INF2: variants seen among roughly 807,000 people sequenced by gnomAD.
The protein encoded by INF2 is inverted formin 2, also known as inverted formin-2.
INF2 carries 43 observed loss-of-function variants against 123.5 expected under a neutral mutation model. That is an observed-to-expected ratio of 0.35 (90% confidence interval 0.27 to 0.45). The LOEUF (loss-of-function observed/expected upper bound fraction) is 0.45, where lower values mean the gene tolerates loss of function less well. INF2 is among the 20% of genes least tolerant of loss of function. INF2 has a pLI of 1.00. For synonymous variants in INF2, 851 were observed against 745.0 expected (o/e 1.14, Z -2.32); for missense variants, 1,453 against 1,682.7 (o/e 0.86, Z 2.39).
At chr14:104,703,864 G>A in intron 4 of INF2, 52 bp from the exon 5 acceptor site, 2 of 1,609,398 alleles carry the variant, frequency 1.2e-6, no homozygotes, top group South Asian at 1.1e-5. Flanking sequence ...AGTGAAATGG[G>A]GAAGGCGGGG....
Position 104,707,493 on chromosome 14 carries a change from C to T in INF2, c.1226C>T (p.Ser409Leu), listed in dbSNP as rs1486781241. 3.2e-6 allele frequency: 5 copies of T among 1,549,246 alleles called. No individual in the cohort carries two copies. Among genetic ancestry groups the T allele is most frequent in the Non-Finnish European group, 4.4e-6 (5 of 1,146,948 alleles). ...HAQSESILKVSQPRALEQQAS... is the reference protein window; with the variant it reads ...HAQSESILKVLQPRALEQQAS... ...CAGAGTGAGAGCATCCTGAAAGTTT[C>T]GCAGCCCAGAGCCCTGGAGCAGCAG... is the stretch of plus-strand genomic sequence containing the variant. Residue 409 changes from serine (S) to leucine (L), a missense_variant, in exon 8 of 23, where the codon TCG (serine) becomes TTG (leucine). Coordinates refer to ENST00000392634, the MANE Select transcript of INF2 (RefSeq NM_022489.4).
chr14:104,681,198 G>A, exon 1 of INF2: 1 of 325,996 alleles, frequency 3.1e-6, no homozygotes, highest in Non-Finnish European at 6.1e-6. Flanking sequence ...AAATGGGGCG[G>A]GCGAGGAGTA....
intron 10 of INF2, 26 bp downstream of exon 10, chr14:104,708,758 C>A (rs776589092): frequency 8.1e-6 from 13 of 1,610,924 alleles, no homozygotes; most frequent in African/African-American, 2.7e-5. Flanking sequence ...AGCCCCCATC[C>A]CAGGCCACGG....
chr14:104,703,221 G>T lies in INF2; in HGVS notation c.507+1G>T. The T allele has an allele frequency of 6.2e-7, 1 of 1,613,242 alleles. No individual in the cohort carries two copies. Among genetic ancestry groups the T allele is most frequent in the Non-Finnish European group, 8.5e-7 (1 of 1,179,876 alleles). On this transcript the variant is annotated splice_donor_variant, in intron 3 of 22. Coordinates refer to ENST00000392634, the MANE Select transcript of INF2 (RefSeq NM_022489.4). LOFTEE classifies it high-confidence loss of function. Reference sequence around the variant, plus strand: ...CCTGGACGCCCTGGACCACTACAAGGTGGGCGGCAGGGCCTGGGCCTGGGC... The same window carrying T: ...CCTGGACGCCCTGGACCACTACAAGTTGGGCGGCAGGGCCTGGGCCTGGGC...
chr14:104,700,999 C>T, intron 1 of INF2: 1 of 401,882 alleles, frequency 2.5e-6, no homozygotes, highest in Non-Finnish European at 3.4e-6. Context: ...CCTCCCGCTC[C>T]CCCGAGTCCT....
Position 104,699,346 on chromosome 14 carries a change from T to C in INF2, c.-9-2011T>C. On this transcript the variant is annotated intron_variant, in intron 1 of 22. Coordinates refer to ENST00000392634, the MANE Select transcript of INF2 (RefSeq NM_022489.4). This position sits in a 1 kb window ranked among gnomAD's most constrained non-coding sequence, Gnocchi z 4.7. ...GGAAAGGAGGGTCAGTTCTGGGGCC[T>C]CTTTAGGCAGCAACAGCCAAGGCGG... is the stretch of plus-strand genomic sequence containing the variant. 2.1e-6 allele frequency: 2 copies of C among 970,828 alleles called. No individual in the cohort carries two copies. Among genetic ancestry groups the C allele is most frequent in the Non-Finnish European group, 2.4e-6 (2 of 816,882 alleles). 60.1% of individuals were successfully genotyped at this position (970,828 alleles called of 1,614,324 possible). A position where few individuals can be genotyped will look rare whatever the true frequency, so the allele number is the denominator to read the frequency against.
intron 15 of INF2, among the ~76,000 whole-genome samples, 169 bp downstream of exon 15, chr14:104,711,355 T>A (rs1288843930): frequency 2.0e-5 from 3 of 151,798 alleles, no homozygotes; most frequent in Admixed American, 1.3e-4. Context: ...CCCCCACCCC[T>A]CCCAGCACCC....
upstream of INF2, chr14:104,685,021 T>A (rs1888622386): frequency 6.6e-6 from 1 of 152,246 alleles, no homozygotes; most frequent in Non-Finnish European, 1.5e-5. Context: ...GATCTTATTT[T>A]ATCTCATTTT....
intron 6 of INF2, 79 bp downstream of exon 6, chr14:104,706,255 C>T (rs775500330): frequency 2.0e-5 from 29 of 1,418,630 alleles, no homozygotes; most frequent in East Asian, 2.5e-5. Flanking sequence ...GGGCCTGGAA[C>T]GGTCCTCCCT....
chr14:104,709,591 G>T (rs1255006473), intron 11 of INF2, 29 bp from the exon 12 acceptor site: 5 of 1,583,638 alleles, frequency 3.2e-6, no homozygotes, highest in Non-Finnish European at 1.7e-6. Context: ...GGCATGGGGG[G>T]ATCCCACATG....
Position 104,714,752 on chromosome 14 carries a change from C to A in INF2, c.3590C>A (p.Ala1197Glu). ...TSLDKSFSEDAVTDSSGSGTL... is the reference protein window; with the variant it reads ...TSLDKSFSEDEVTDSSGSGTL... ...CTGGACAAGTCCTTCTCCGAGGATG[C>A]GGTGACCGACTCCTCGGGGTCGGGC... Residue 1197 changes from alanine to glutamate, a missense_variant, in exon 21 of 23, where the codon GCG becomes GAG. This residue lies in a region of INF2 where 344 missense variants were observed against 333.1 expected (regional missense o/e 1.03). Transcript: ENST00000392634. 6.3e-7 allele frequency: 1 copy of A among 1,599,686 alleles called. No individual in the cohort carries two copies. Among genetic ancestry groups the A allele is most frequent in the South Asian group, 1.1e-5 (1 of 89,224 alleles).
At chr14:104,687,084 G>T (rs996424503), upstream of INF2, among the ~76,000 whole-genome samples, 1 of 152,192 alleles carries the variant, frequency 6.6e-6, no homozygotes. This position sits in a 1 kb window ranked among gnomAD's most constrained non-coding sequence, Gnocchi z 5.6. Flanking sequence ...TTGTGTACCC[G>T]GCTCCGAGGA....
chr14:104,694,009 G>A (rs768858184), intron 1 of INF2, among the ~76,000 whole-genome samples: 12 of 152,214 alleles, frequency 7.9e-5, no homozygotes, highest in Admixed American at 2.0e-4. Context: ...GCCTGAGAAC[G>A]GGAGCCCCTT....
Position 104,708,869 on chromosome 14 carries a change from G to A in INF2, c.1949+137G>A, listed in dbSNP as rs541529203. Reference sequence around the variant, plus strand: ...GCATCCCCTAGGCAGGATTGTAGGCGGGTAATAGCCCCATGCTGCCCCAGC... The same window carrying A: ...GCATCCCCTAGGCAGGATTGTAGGCAGGTAATAGCCCCATGCTGCCCCAGC... On this transcript the variant is annotated intron_variant, in intron 10 of 22. Transcript: ENST00000392634. 2.4e-5 allele frequency: 23 copies of A among 974,482 alleles called. No individual in the cohort carries two copies. The African/African-American group carries it at 2.7e-4, about 12-fold the overall frequency. The allele number at this position is 974,482 out of a possible 1,614,324, so 60.4% of individuals were successfully genotyped here.
chr14:104,711,770 T>G (rs1243888902), intron 16 of INF2, 71 bp downstream of exon 16: 1 of 1,438,998 alleles, frequency 6.9e-7, no homozygotes, highest in Non-Finnish European at 9.7e-7. Flanking sequence ...GGCAGTGAGG[T>G]GGCTGCCCGC....
rs1442369052 is a variant in INF2, at chr14:104,714,326, C to T, written c.3164C>T (p.Pro1055Leu). ...TGGGACCTTGTAGACGCCGTGACCC[C>T]CGGCCCTCAGCCCACCCTGGAGCAG... Reference protein sequence around the residue: ...RGWDLVDAVTPGPQPTLEQLE... With the variant: ...RGWDLVDAVTLGPQPTLEQLE... Residue 1055 changes from proline (P) to leucine (L), a missense_variant, in exon 21 of 23, where the codon CCC becomes CTC. Transcript: ENST00000392634. 1 of 1,590,668 alleles carries T rather than the reference C, an allele frequency of 6.3e-7. No homozygotes were observed. Among genetic ancestry groups the T allele is most frequent in the Non-Finnish European group, 8.6e-7 (1 of 1,169,564 alleles).
At position 104,699,880 on chromosome 14, in the gene INF2, A is replaced by G. The variant is rs904920431; in HGVS notation, c.-9-1477A>G. ...CATGCAGATCAGAACCCTGGCTTAC[A>G]CCTGTCAGGCTGCCTCCTGGAAGGA... is the stretch of plus-strand genomic sequence containing the variant. On this transcript the variant is annotated intron_variant, in intron 1 of 22. Coordinates refer to ENST00000392634, the MANE Select transcript of INF2 (RefSeq NM_022489.4). The surrounding 1 kb of genome is among the most constrained non-coding windows in gnomAD (Gnocchi z 4.7). 2.0e-5 allele frequency among the ~76,000 whole-genome samples: 3 copies of G among 152,082 alleles called. No individual in the cohort carries two copies. The highest frequency in any genetic ancestry group is 2.9e-5 in the Non-Finnish European group (2 of 67,980).
At chr14:104,715,183 T>C (rs1890238581) in intron 21 of INF2, 101 bp from the exon 22 acceptor site, 2 of 1,145,118 alleles carry the variant, frequency 1.7e-6, no homozygotes, top group Non-Finnish European at 2.6e-6. Context: ...CCTCAGAGGG[T>C]GTTGGCATGG....
chr14:104,704,702 T>TGG (rs200915230), intron 5 of INF2: 2,014 of 152,884 alleles, frequency 0.013, 31 homozygotes, highest in South Asian at 0.046. Flanking sequence ...CCAAAAAGGC[T>TGG]GGGGACCACT....
Sources: allele counts gnomAD v4.1 joint callset (sites outside exome capture counted in the v4.1 genomes callset), GRCh38; gene constraint gnomAD v4.1.1; regional missense constraint gnomAD v4.1.1; non-coding constraint Gnocchi (gnomAD v3.1); transcripts MANE v1.5; gene names NCBI Gene and HGNC (gene_info 2026-07-23, HGNC 2026-07-21).